The following GOT1 variants were observed in gnomAD, a reference collection of about 807,000 sequenced individuals.
GOT1 encodes aspartate aminotransferase, cytoplasmic.
Under a neutral mutation model 48.2 loss-of-function variants are expected in GOT1, and 25 were observed. The observed-to-expected ratio is 0.52, with a 90% CI of 0.38 to 0.72. The LOEUF (loss-of-function observed/expected upper bound fraction) is 0.72, where lower values mean the gene tolerates loss of function less well. Among genes scored for constraint, GOT1 ranks in the 30% least tolerant of loss-of-function variants. GOT1 has a pLI of 0.00. For synonymous variants in GOT1, 188 were observed against 193.8 expected, an observed-to-expected ratio of 0.97 and a Z score of 0.25; for missense variants, 380 against 520.1, an observed-to-expected ratio of 0.73 and a Z score of 2.62.
chr10:99,413,904 A>C (rs2032859795), intron 2 of GOT1, among the ~76,000 whole-genome samples: 2 of 152,218 alleles, frequency 1.3e-5, no homozygotes, highest in South Asian at 4.1e-4. Flanking sequence ...AGATTTTGTC[A>C]CCACGAGGCC....
At chr10:99,418,075 T>TAA in intron 2 of GOT1, among the ~76,000 whole-genome samples, 1 of 150,546 alleles carries the variant, frequency 6.6e-6, no homozygotes, top group Non-Finnish European at 1.5e-5. Flanking sequence ...TATATATATA[T>TAA]AAAAAGAAGG....
At chr10:99,427,856 C>T (rs1056879503) in intron 1 of GOT1, among the ~76,000 whole-genome samples, 2 of 152,214 alleles carry the variant, frequency 1.3e-5, no homozygotes, top group Admixed American at 1.3e-4. Context: ...ATTGCTTCAC[C>T]TCTCCAGTCT....
chr10:99,402,604 T>A lies in GOT1; in HGVS notation c.1078A>T (p.Met360Leu). ...CGGTTCAACCCAGTGAAGCTGAACATGCCAATTTGATCAGTGATGTGGTTC... is the reference window on the plus strand; with the variant it reads ...CGGTTCAACCCAGTGAAGCTGAACAAGCCAATTTGATCAGTGATGTGGTTC... ...TWNHITDQIG[M>L]FSFTGLNPKQ... Residue 360 changes from methionine to leucine, a missense_variant, in exon 8 of 9, where the codon ATG becomes TTG. By Grantham distance (15) the Met-to-Leu change is conservative. Coordinates refer to ENST00000370508, the MANE Select transcript of GOT1 (RefSeq NM_002079.3). The A allele has an allele frequency of 6.2e-7, 1 of 1,614,196 alleles. No homozygotes were observed. Among genetic ancestry groups the A allele is most frequent in the Non-Finnish European group, 8.5e-7 (1 of 1,180,032 alleles).
At chr10:99,426,722 G>A (rs2033041617) in intron 1 of GOT1, among the ~76,000 whole-genome samples, 1 of 152,200 alleles carries the variant, frequency 6.6e-6, no homozygotes, top group Non-Finnish European at 1.5e-5. Flanking sequence ...AGTGGAAAAT[G>A]TGATACTCTC....
At chr10:99,427,293 G>C (rs1416457318) in intron 1 of GOT1, among the ~76,000 whole-genome samples, 1 of 152,058 alleles carries the variant, frequency 6.6e-6, no homozygotes, top group African/African-American at 2.4e-5. Flanking sequence ...TTTTGAGACG[G>C]AGTCTCACTC....
At chr10:99,419,514 T>C (rs898818223) in intron 2 of GOT1, among the ~76,000 whole-genome samples, 2 of 152,204 alleles carry the variant, frequency 1.3e-5, no homozygotes, top group African/African-American at 4.8e-5. Context: ...CCTGGACTCC[T>C]ACCATGCAAG....
At position 99,403,892 on chromosome 10, in the gene GOT1, G is replaced by C. The variant is rs2032719358; in HGVS notation, c.643-18C>G. 1 of 1,612,654 alleles carries C rather than the reference G, an allele frequency of 6.2e-7. No individual in the cohort carries two copies. The highest frequency in any genetic ancestry group is 1.1e-5 in the South Asian group (1 of 90,994). Reference sequence around the variant, plus strand: ...AACCGGTGCTGCGGGGAAGCAAAGTGAGTCAGGGCAGGAAATCCTTCTGGC... The same window carrying C: ...AACCGGTGCTGCGGGGAAGCAAAGTCAGTCAGGGCAGGAAATCCTTCTGGC... On this transcript the variant is annotated intron_variant, in intron 5 of 8. Transcript: ENST00000370508.
Position 99,416,472 on chromosome 10 carries a change from G to A in GOT1, c.300+4152C>T, listed in dbSNP as rs2032895834. On this transcript the variant is annotated intron_variant, in intron 2 of 8. Transcript: ENST00000370508. ...ACAAACAAATGGAAGAACATTCCAT[G>A]CTCACGGATAGGAAGAATCAATATC... 2.0e-5 allele frequency among the ~76,000 whole-genome samples: 3 copies of A among 152,214 alleles called. 1 individual carries two copies. The South Asian group carries it at 6.2e-4, about 32-fold the overall frequency.
At chr10:99,399,740 T>C (rs2032646751) in intron 8 of GOT1, among the ~76,000 whole-genome samples, 1 of 152,122 alleles carries the variant, frequency 6.6e-6, no homozygotes, top group Non-Finnish European at 1.5e-5. Flanking sequence ...GACGCCGCAC[T>C]CCAGCCTGGG....
intron 3 of GOT1, 28 bp downstream of exon 3, chr10:99,406,698 T>A: frequency 6.2e-7 from 1 of 1,607,284 alleles, no homozygotes; most frequent in East Asian, 2.2e-5. Flanking sequence ...GTTTCTGTTT[T>A]TCCTCTCACT....
chr10:99,401,305 A>G (rs1389521170), intron 8 of GOT1, among the ~76,000 whole-genome samples: 1 of 152,160 alleles, frequency 6.6e-6, no homozygotes, highest in Non-Finnish European at 1.5e-5. Flanking sequence ...TTTTACCCCA[A>G]AGTATTTTGA....
chr10:99,402,558 G>A, intron 8 of GOT1, 22 bp downstream of exon 8: 1 of 1,613,616 alleles, frequency 6.2e-7, no homozygotes. Flanking sequence ...CGCATGGGCT[G>A]GAGGTGGTGG....
At chr10:99,418,351 A>G (rs1299825809) in intron 2 of GOT1, among the ~76,000 whole-genome samples, 1 of 152,162 alleles carries the variant, frequency 6.6e-6, no homozygotes. Flanking sequence ...TGCCCAACAT[A>G]GTTAACAACT....
chr10:99,406,633 G>C, intron 3 of GOT1, 93 bp downstream of exon 3: 1 of 1,275,182 alleles, frequency 7.8e-7, no homozygotes, highest in Non-Finnish European at 1.1e-6. Context: ...GTTGTTCTAG[G>C]GCTGGATTAC....
intron 2 of GOT1, among the ~76,000 whole-genome samples, chr10:99,412,285 C>G (rs1314716346): frequency 6.6e-6 from 1 of 151,654 alleles, no homozygotes; most frequent in African/African-American, 2.4e-5. Flanking sequence ...TCACTGCATG[C>G]CAAGCTCAAA....
rs1433489996 is a variant in GOT1 at position 99,403,891 on chromosome 10, T to C, written c.643-17A>G. The C allele has an allele frequency of 6.2e-7, 1 of 1,612,668 alleles. No homozygotes were observed. The highest frequency in any genetic ancestry group is 1.7e-5 in the Admixed American group (1 of 60,012). On this transcript the variant is annotated splice_polypyrimidine_tract_variant and intron_variant, in intron 5 of 8. Transcript: ENST00000370508. ...AAACCGGTGCTGCGGGGAAGCAAAG[T>C]GAGTCAGGGCAGGAAATCCTTCTGG...
chr10:99,414,976 A>G (rs2032874730), intron 2 of GOT1, among the ~76,000 whole-genome samples: 1 of 152,198 alleles, frequency 6.6e-6, no homozygotes, highest in Non-Finnish European at 1.5e-5. Context: ...CTAAATGCCC[A>G]CAAGAGAAAG....
intron 2 of GOT1, among the ~76,000 whole-genome samples, chr10:99,414,073 C>A (rs58991121): frequency 0.022 from 3,277 of 152,266 alleles, 130 homozygotes; most frequent in African/African-American, 0.074. Context: ...ATAACAGGAT[C>A]AAATTCACAC....
intron 2 of GOT1, among the ~76,000 whole-genome samples, chr10:99,409,839 G>A (rs141283019): frequency 3.3e-4 from 50 of 152,280 alleles, no homozygotes; most frequent in Non-Finnish European, 6.9e-4. Context: ...ACAGTGAATC[G>A]TTTAGTAGAA....
Sources: gnomAD v4.1 joint callset for allele counts (sites outside exome capture counted in the v4.1 genomes callset) on GRCh38, gnomAD v4.1.1 for gene constraint, MANE v1.5 for transcripts, NCBI Gene and HGNC (gene_info 2026-07-23, HGNC 2026-07-21) for gene names.